The following SIPA1L3 variants were observed in gnomAD, a reference collection of about 807,000 sequenced individuals.
The protein encoded by SIPA1L3 is signal-induced proliferation-associated 1-like protein 3.
SIPA1L3 carries 59 observed loss-of-function variants against 150.1 expected under a neutral mutation model. The ratio of observed to expected loss-of-function variants is 0.39; its 90% confidence interval spans 0.32 to 0.49. SIPA1L3 has a LOEUF of 0.49. Ranked by LOEUF, SIPA1L3 falls within the 20% of genes least tolerant of loss-of-function variation. SIPA1L3 has a pLI of 0.86. For missense variants in SIPA1L3, 2,211 were observed against 2,489.5 expected (o/e 0.89, Z 2.38); for synonymous variants, 1,070 against 1,077.6 (o/e 0.99, Z 0.14).
At chr19:38,052,005 C>G (rs1339457538) in intron 2 of SIPA1L3, among the ~76,000 whole-genome samples, 4 of 152,310 alleles carry the variant, frequency 2.6e-5, no homozygotes, top group African/African-American at 9.6e-5. Flanking sequence ...CAACACATGG[C>G]CAGTCTTGTT....
intron 1 of SIPA1L3, among the ~76,000 whole-genome samples, chr19:37,930,025 ATTT>A (rs34993739): frequency 3.8e-5 from 5 of 131,742 alleles, no homozygotes; most frequent in Non-Finnish European, 6.3e-5. Context: ...TGCCTGGCAA[ATTT>A]TTTTTTTTTT....
intron 1 of SIPA1L3, among the ~76,000 whole-genome samples, chr19:38,023,386 G>C (rs1171924242): frequency 2.0e-5 from 3 of 152,194 alleles, no homozygotes; most frequent in African/African-American, 4.8e-5. Context: ...GCTATTAATA[G>C]AATATAGGTC....
rs143067049 is a variant in SIPA1L3, at chr19:38,021,411, C to T, written c.-378-7678C>T. Among the ~76,000 whole-genome samples, 275 of 152,250 alleles carry T rather than the reference C, an allele frequency of 1.8e-3. 1 individual carries two copies. The highest frequency in any genetic ancestry group is 3.1e-3 in the Admixed American group (47 of 15,288). Reference sequence around the variant, plus strand: ...GTTGGACCCAGAGAACTCAGCCCTTCTAGTCTGGGCAGGGTAGTTCTGGGG... The same window carrying T: ...GTTGGACCCAGAGAACTCAGCCCTTTTAGTCTGGGCAGGGTAGTTCTGGGG... On this transcript the variant is annotated intron_variant, in intron 1 of 21. Coordinates refer to ENST00000222345, the MANE Select transcript of SIPA1L3 (RefSeq NM_015073.3).
At chr19:38,104,452 G>C (rs960708616) in intron 6 of SIPA1L3, among the ~76,000 whole-genome samples, 3 of 152,216 alleles carry the variant, frequency 2.0e-5, no homozygotes, top group African/African-American at 7.2e-5. Context: ...CCTCTGTGCC[G>C]AGTGCTTCCC....
intron 12 of SIPA1L3, among the ~76,000 whole-genome samples, chr19:38,143,674 G>C (rs1971644241): frequency 6.6e-6 from 1 of 151,646 alleles, no homozygotes; most frequent in Non-Finnish European, 1.5e-5. Context: ...AAGTAGCTGG[G>C]ACTACAGGCT....
At chr19:38,119,966 A>G in intron 9 of SIPA1L3, 84 bp downstream of exon 9, 2 of 932,174 alleles carry the variant, frequency 2.1e-6, no homozygotes, top group African/African-American at 1.7e-5. Flanking sequence ...TAGCCCAGTC[A>G]GTTAGGCTAA....
At chr19:38,008,564 C>A (rs1464649400) in intron 1 of SIPA1L3, among the ~76,000 whole-genome samples, 1 of 151,828 alleles carries the variant, frequency 6.6e-6, no homozygotes, top group Non-Finnish European at 1.5e-5. Context: ...TCTCCCTTTA[C>A]CCCCATTCCT....
At chr19:38,176,218 G>A (rs1480485238) in intron 15 of SIPA1L3, among the ~76,000 whole-genome samples, 1 of 151,280 alleles carries the variant, frequency 6.6e-6, no homozygotes. Context: ...TCGCCATGTT[G>A]GCCAGGCTGG....
intron 13 of SIPA1L3, among the ~76,000 whole-genome samples, chr19:38,153,390 C>A (rs1184772524): frequency 6.6e-6 from 1 of 152,214 alleles, no homozygotes; most frequent in Non-Finnish European, 1.5e-5. Context: ...GCCCACATGG[C>A]CAGGCGGGGT....
At chr19:38,019,051 T>C (rs1393391907) in intron 1 of SIPA1L3, among the ~76,000 whole-genome samples, 1 of 152,216 alleles carries the variant, frequency 6.6e-6, no homozygotes, top group Admixed American at 6.5e-5. Flanking sequence ...ATACTTTAAA[T>C]AGTGGCAGGT....
intron 1 of SIPA1L3, among the ~76,000 whole-genome samples, chr19:37,914,314 A>G (rs1019971560): frequency 6.6e-6 from 1 of 152,106 alleles, no homozygotes; most frequent in African/African-American, 2.4e-5. Context: ...GTTTGCTACA[A>G]AGAGTATCAG....
intron 1 of SIPA1L3, among the ~76,000 whole-genome samples, chr19:37,939,793 T>A (rs1448823860): frequency 6.6e-6 from 1 of 152,230 alleles, no homozygotes; most frequent in African/African-American, 2.4e-5. Flanking sequence ...AAATTTAGAT[T>A]TGATTGCTAA....
chr19:38,078,572 A>G (rs1318640159), intron 2 of SIPA1L3, among the ~76,000 whole-genome samples: 1 of 150,450 alleles, frequency 6.6e-6, no homozygotes, highest in Non-Finnish European at 1.5e-5. Flanking sequence ...AGACATACAC[A>G]GAGACACGCA....
intron 14 of SIPA1L3, among the ~76,000 whole-genome samples, chr19:38,163,471 C>T (rs1229790461): frequency 7.7e-6 from 1 of 129,384 alleles, no homozygotes; most frequent in African/African-American, 3.1e-5. Context: ...GCCTGAGCGA[C>T]AGAGTGAGAC....
At chr19:38,023,713 CT>C (rs1968431370) in intron 1 of SIPA1L3, among the ~76,000 whole-genome samples, 1 of 152,210 alleles carries the variant, frequency 6.6e-6, no homozygotes, top group Non-Finnish European at 1.5e-5. Context: ...GGGTTTGGTT[CT>C]TCCAGACCAG....
intron 1 of SIPA1L3, among the ~76,000 whole-genome samples, chr19:38,010,207 C>T (rs1297790754): frequency 6.6e-6 from 1 of 151,932 alleles, no homozygotes; most frequent in African/African-American, 2.4e-5. Context: ...TTGAGACCAG[C>T]CTGGGCAATA....
At position 38,082,935 on chromosome 19, in the gene SIPA1L3, G is replaced by T. The variant is rs1239991282; in HGVS notation, c.1370G>T (p.Gly457Val). The T allele has an allele frequency of 1.2e-6, 2 of 1,613,090 alleles. No homozygotes were observed. Among genetic ancestry groups the T allele is most frequent in the Admixed American group, 3.3e-5 (2 of 60,012 alleles). ...GTGGGCTCCCCGAGCAGCGGCGAGG[G>T]CCACCTGGCAGAGCCCGCCCTGAGC... ...ASVGSPSSGE[G>V]HLAEPALSAY... The change falls in exon 3 of 22, where the codon GGC becomes GTC. Residue 457 changes from glycine (G) to valine (V), a missense_variant. By Grantham distance (109) the Gly-to-Val change is moderately radical. Coordinates refer to ENST00000222345, the MANE Select transcript of SIPA1L3 (RefSeq NM_015073.3).
chr19:37,937,721 G>A lies in SIPA1L3; in HGVS notation c.-379+30363G>A, dbSNP rs371983520. ...CGTGCCACTGCACTGTAGCCAGGGC[G>A]ACAGAGTGAAACCCTGTCTCAAAAA... is the stretch of plus-strand genomic sequence containing the variant. On this transcript the variant is annotated intron_variant, in intron 1 of 21. Transcript: ENST00000222345. 2.0e-4 allele frequency among the ~76,000 whole-genome samples: 15 copies of A among 73,648 alleles called. 1 individual carries two copies. The highest frequency in any genetic ancestry group is 0.025 in the Middle Eastern group (2 of 80). 48.3% of individuals were successfully genotyped at this position (73,648 alleles called of 152,430 possible). A position where few individuals can be genotyped will look rare whatever the true frequency, so the allele number is the denominator to read the frequency against.
chr19:38,184,651 T>A (rs1214479835), intron 16 of SIPA1L3: 1 of 152,166 alleles, frequency 6.6e-6, no homozygotes, highest in African/African-American at 2.4e-5. Flanking sequence ...ATGACCTACA[T>A]GGAGACATTC....
Sources: gnomAD v4.1 joint callset for allele counts (sites outside exome capture counted in the v4.1 genomes callset) on GRCh38, gnomAD v4.1.1 for gene constraint, MANE v1.5 for transcripts, NCBI Gene and HGNC (gene_info 2026-07-23, HGNC 2026-07-21) for gene names.